OSCP1: variants seen among roughly 807,000 people sequenced by gnomAD.
OSCP1 encodes the protein protein OSCP1.
OSCP1 carries 35 observed loss-of-function variants against 45.1 expected under a neutral mutation model. That is an observed-to-expected ratio of 0.78 (90% CI 0.59 to 1.03). OSCP1 has a LOEUF of 1.03. Among genes scored for constraint, OSCP1 ranks in the 50% least tolerant of loss-of-function variants. OSCP1 has a pLI of 0.00. For missense variants in OSCP1, 400 were observed against 470.7 expected (o/e 0.85, Z 1.39); for synonymous variants, 179 against 180.1 (o/e 0.99, Z 0.05).
intron 4 of OSCP1, among the ~76,000 whole-genome samples, chr1:36,430,077 G>A (rs951031175): frequency 2.6e-5 from 4 of 151,932 alleles, no homozygotes; most frequent in East Asian, 1.9e-4. Context: ...GATTACAGGC[G>A]TGAGCCACTG....
chr1:36,434,061 C>G (rs1191211941), intron 2 of OSCP1, among the ~76,000 whole-genome samples: 1 of 151,940 alleles, frequency 6.6e-6, no homozygotes, highest in Non-Finnish European at 1.5e-5. Context: ...ACCTTTTCAG[C>G]CTAGTGCGGG....
intron 1 of OSCP1, chr1:36,443,921 G>A (rs1570548834): frequency 7.0e-7 from 1 of 1,434,842 alleles, no homozygotes; most frequent in South Asian, 1.2e-5. Flanking sequence ...TGTTTCAAGC[G>A]GTCCCATTTT....
At chr1:36,431,214 GTAGAGGT>G (rs1648345246) in intron 4 of OSCP1, among the ~76,000 whole-genome samples, 1 of 152,150 alleles carries the variant, frequency 6.6e-6, no homozygotes, top group South Asian at 2.1e-4. Context: ...CCAGGGTAGA[GTAGAGGT>G]TAGACTCAGG....
intron 7 of OSCP1, among the ~76,000 whole-genome samples, chr1:36,421,048 TCCTCATCCTG>T (rs377499596): frequency 2.0e-5 from 3 of 151,952 alleles, no homozygotes; most frequent in East Asian, 1.9e-4. Flanking sequence ...CCTCTCACAG[TCCTCATCCTG>T]CCTCATCCTG....
At chr1:36,425,432 C>G (rs1257353176) in intron 4 of OSCP1, among the ~76,000 whole-genome samples, 1 of 152,030 alleles carries the variant, frequency 6.6e-6, no homozygotes, top group African/African-American at 2.4e-5. Context: ...CTAAATCAGA[C>G]AGTGTATAAA....
intron 1 of OSCP1, among the ~76,000 whole-genome samples, chr1:36,439,990 T>G (rs1257042941): frequency 6.6e-6 from 1 of 152,240 alleles, no homozygotes; most frequent in Non-Finnish European, 1.5e-5. Flanking sequence ...TATCCTCGCC[T>G]AAATGTGAGC....
rs546692578 is a variant in OSCP1 at position 36,447,460 on chromosome 1, A to G, written c.112+2798T>C. Reference sequence around the variant, plus strand: ...AGAGTATAGTGGTTATAGTAAGGGGACTAAGTGGTTATAGTAAGGGGACAT... The same window carrying G: ...AGAGTATAGTGGTTATAGTAAGGGGGCTAAGTGGTTATAGTAAGGGGACAT... On this transcript the variant is annotated intron_variant, in intron 1 of 9. Transcript: ENST00000235532. The surrounding 1 kb of genome is among the most constrained non-coding windows in gnomAD (Gnocchi z 4.1). Among the ~76,000 whole-genome samples the G allele has an allele frequency of 5.3e-5, 8 of 152,266 alleles. No homozygotes were observed. In the South Asian group the frequency reaches 1.7e-3, roughly 32 times the overall value.
Position 36,422,845 on chromosome 1 carries a change from A to C in OSCP1, c.672T>G (p.Gly224=), listed in dbSNP as rs1294820919. 6.2e-7 allele frequency: 1 copy of C among 1,610,790 alleles called. No individual in the cohort carries two copies. The highest frequency in any genetic ancestry group is 1.1e-5 in the South Asian group (1 of 90,612). Residue 224 remains glycine, a synonymous_variant, in exon 6 of 10, where the codon GGT becomes GGG. Coordinates refer to ENST00000235532, the MANE Select transcript of OSCP1 (RefSeq NM_145047.5). ...CTTTGGGTGCAGGGACATAGTTTCC[A>C]CCATGCTTGAATTCTATCCTCTTCA... ...EEVKRIEFKH[G]GNYVPAPKEG...
intron 1 of OSCP1, among the ~76,000 whole-genome samples, chr1:36,446,246 C>G (rs956740782): frequency 6.6e-6 from 1 of 152,212 alleles, no homozygotes; most frequent in African/African-American, 2.4e-5. Context: ...TGGTCTCGAA[C>G]TCCTGACCTC....
chr1:36,421,873 A>G (rs1570500500), intron 7 of OSCP1: 1 of 481,340 alleles, frequency 2.1e-6, no homozygotes, highest in East Asian at 3.4e-5. Flanking sequence ...ACCTAATGGC[A>G]CTGGTACTAC....
chr1:36,423,118 A>G (rs957404731), intron 5 of OSCP1, among the ~76,000 whole-genome samples: 1 of 152,204 alleles, frequency 6.6e-6, no homozygotes, highest in African/African-American at 2.4e-5. Context: ...TATCTTATTC[A>G]TCCACACAGT....
intron 1 of OSCP1, 33 bp from the exon 2 acceptor site, chr1:36,438,943 A>C: frequency 6.2e-7 from 1 of 1,607,154 alleles, no homozygotes; most frequent in Non-Finnish European, 8.5e-7. Context: ...AGCTGAGCAA[A>C]GTACTGAAGC....
chr1:36,422,636 G>T, intron 6 of OSCP1, 132 bp downstream of exon 6: 1 of 915,342 alleles, frequency 1.1e-6, no homozygotes, highest in South Asian at 2.1e-5. Flanking sequence ...TGTATGCAGT[G>T]TACCTAAGGG....
intron 4 of OSCP1, among the ~76,000 whole-genome samples, chr1:36,430,224 T>C (rs1211847123): frequency 1.3e-5 from 2 of 150,790 alleles, no homozygotes; most frequent in East Asian, 3.9e-4. Flanking sequence ...GTATTTTTGG[T>C]AGAGATGGGG....
intron 1 of OSCP1, among the ~76,000 whole-genome samples, chr1:36,443,584 T>A (rs780619825): frequency 1.3e-5 from 2 of 152,342 alleles, no homozygotes; most frequent in South Asian, 4.1e-4. Flanking sequence ...TCTCGGTTGC[T>A]CTGTGAGCTT....
At chr1:36,422,280 C>T in intron 6 of OSCP1, 61 bp from the exon 7 acceptor site, 1 of 1,443,254 alleles carries the variant, frequency 6.9e-7, no homozygotes, top group South Asian at 1.1e-5. Flanking sequence ...TTCTCTCTAA[C>T]TCGTAAGCAT....
chr1:36,433,435 C>T (rs78705303), intron 2 of OSCP1, among the ~76,000 whole-genome samples: 15,468 of 147,046 alleles, frequency 0.11, 940 homozygotes, highest in East Asian at 0.31. Context: ...GGTAATAAAG[C>T]TGGGTAAGTA....
chr1:36,432,318 G>T, intron 3 of OSCP1, 104 bp downstream of exon 3: 1 of 1,351,498 alleles, frequency 7.4e-7, no homozygotes, highest in Non-Finnish European at 1.0e-6. Flanking sequence ...GGCAGGCTTT[G>T]CCATTCCTCA....
chr1:36,428,210 A>AAT, intron 4 of OSCP1: 2 of 1,292,610 alleles, frequency 1.5e-6, no homozygotes, highest in Non-Finnish European at 2.0e-6. Context: ...AAAAAAAAAA[A>AAT]GAAAGAAAAA....
Sources: gnomAD v4.1 joint callset for allele counts (sites outside exome capture counted in the v4.1 genomes callset) on GRCh38, gnomAD v4.1.1 for gene constraint, Gnocchi (gnomAD v3.1) non-coding constraint, MANE v1.5 for transcripts, NCBI Gene and HGNC (gene_info 2026-07-23, HGNC 2026-07-21) for gene names.